Variants in TTC34 observed in about 807,000 individuals in gnomAD.
TTC34 encodes tetratricopeptide repeat protein 34.
Under a neutral mutation model 40.7 loss-of-function variants are expected in TTC34, and 44 were observed. The ratio of observed to expected loss-of-function variants is 1.08; its 90% CI spans 0.85 to 1.39. TTC34 has a LOEUF of 1.39. Among genes scored for constraint, TTC34 ranks in the 40% most tolerant of loss-of-function variants. TTC34 has a pLI of 0.00. For missense variants in TTC34, 884 were observed against 838.0 expected (o/e 1.05, Z -0.68); for synonymous variants, 422 against 398.6 (o/e 1.06, Z -0.70).
At chr1:2,755,013 C>T (rs1374112334) in intron 6 of TTC34, among the ~76,000 whole-genome samples, 1 of 68,750 alleles carries the variant, frequency 1.5e-5, no homozygotes, top group Non-Finnish European at 2.5e-5. Flanking sequence ...CGTAACAGCA[C>T]CCACACACCC....
At chr1:2,785,307 A>G (rs566620980) in intron 5 of TTC34, among the ~76,000 whole-genome samples, 8 of 152,212 alleles carry the variant, frequency 5.3e-5, no homozygotes, top group Middle Eastern at 3.4e-3. Flanking sequence ...GTACCCCAGG[A>G]GATCCCTGCG....
chr1:2,695,004 G>T (rs61765755), intron 6 of TTC34, among the ~76,000 whole-genome samples: 45 of 121,070 alleles, frequency 3.7e-4, no homozygotes, highest in Middle Eastern at 5.1e-3. Context: ...CCCAGGTGAG[G>T]ATCTGACAGC....
intron 6 of TTC34, among the ~76,000 whole-genome samples, chr1:2,684,665 C>A (rs1199279183): frequency 2.3e-5 from 3 of 132,434 alleles, no homozygotes; most frequent in Non-Finnish European, 4.7e-5. Flanking sequence ...CAGCCTGGAG[C>A]AGCACCCACA....
intron 6 of TTC34, among the ~76,000 whole-genome samples, chr1:2,750,988 T>C (rs1200282168): frequency 2.8e-4 from 13 of 46,450 alleles, no homozygotes; most frequent in East Asian, 1.1e-3. Flanking sequence ...CATGTGATGG[T>C]CTGGAGCAGC....
intron 6 of TTC34, among the ~76,000 whole-genome samples, chr1:2,656,441 C>G (rs61765843): frequency 0.17 from 216 of 1,236 alleles, 26 homozygotes; most frequent in Non-Finnish European, 0.22. Context: ...TGACAGCCTG[C>G]AACAGCACCC....
At chr1:2,686,528 G>A (rs1418648083) in intron 6 of TTC34, among the ~76,000 whole-genome samples, 2 of 100,684 alleles carry the variant, frequency 2.0e-5, no homozygotes, top group East Asian at 3.2e-4. Context: ...GCACCCCCAG[G>A]GGAGCATCTG....
intron 6 of TTC34, chr1:2,773,731 T>C (rs1193585285): frequency 6.7e-5 from 5 of 74,172 alleles, no homozygotes; most frequent in African/African-American, 1.3e-4. Context: ...TGGAACAGCA[T>C]CTACAGCCCC....
intron 6 of TTC34, among the ~76,000 whole-genome samples, chr1:2,678,057 A>T (rs1179444299): frequency 7.1e-5 from 2 of 28,212 alleles, no homozygotes; most frequent in Non-Finnish European, 1.2e-4. Flanking sequence ...CCACAACCAC[A>T]GGTGAGCATC....
chr1:2,692,572 A>C (rs1359152488), intron 6 of TTC34, among the ~76,000 whole-genome samples: 1 of 107,990 alleles, frequency 9.3e-6, no homozygotes, highest in Non-Finnish European at 1.9e-5. Context: ...ACGGCCTGGA[A>C]CAGCACCCAC....
intron 2 of TTC34, among the ~76,000 whole-genome samples, chr1:2,799,264 C>T (rs1222267805): frequency 1.3e-5 from 2 of 152,188 alleles, no homozygotes; most frequent in East Asian, 3.9e-4. Context: ...GATCAGGCGC[C>T]GGGCGCGGTG....
chr1:2,753,043 C>T (rs1641377123), intron 6 of TTC34, among the ~76,000 whole-genome samples: 2 of 150,818 alleles, frequency 1.3e-5, no homozygotes, highest in South Asian at 2.1e-4. Context: ...CAGCCTGGAG[C>T]AGCACCCACA....
chr1:2,800,634 C>T lies in TTC34; in HGVS notation c.194G>A (p.Trp65Ter). ...GGGGATCTGGCTGTCCCCGCGGCAC[C>T]AGGACTCCAGGGTGGCCACCACCGC... The change falls in exon 2 of 9, where the codon TGG (tryptophan) becomes TAG (stop). Residue 65 changes from tryptophan to a stop codon, truncating the protein, a stop_gained. Transcript: ENST00000401095. LOFTEE classifies it high-confidence loss of function. 2.5e-6 allele frequency: 1 copy of T among 398,516 alleles called. No individual in the cohort carries two copies. 24.7% of individuals were successfully genotyped at this position (398,516 alleles called of 1,614,324 possible).
intron 6 of TTC34, among the ~76,000 whole-genome samples, chr1:2,675,197 A>C (rs1171901882): frequency 6.7e-6 from 1 of 148,672 alleles, no homozygotes; most frequent in South Asian, 2.1e-4. Flanking sequence ...AGCAGCACCG[A>C]CAACCCCAGG....
intron 6 of TTC34, among the ~76,000 whole-genome samples, chr1:2,675,123 C>A (rs1398990105): frequency 1.0e-3 from 4 of 3,892 alleles, no homozygotes; most frequent in Non-Finnish European, 1.4e-3. Context: ...GCCCACACCC[C>A]CAGGTGAGAA....
In TTC34 at chr1:2,692,276, C is replaced by A. The variant is rs375201838; in HGVS notation, c.2227-46713G>T. On this transcript the variant is annotated intron_variant, in intron 6 of 8. Transcript: ENST00000401095. Reference sequence around the variant, plus strand: ...AGCAGCACCCACACCCTCAGGTGAGCATCTGACAGCCTGGAGCAGCAGGCA... The same window carrying A: ...AGCAGCACCCACACCCTCAGGTGAGAATCTGACAGCCTGGAGCAGCAGGCA... 4.0e-5 allele frequency among the ~76,000 whole-genome samples: 3 copies of A among 74,960 alleles called. 1 individual carries two copies. Among genetic ancestry groups the A allele is most frequent in the South Asian group, 4.2e-4 (1 of 2,398 alleles). The allele number at this position is 74,960 out of a possible 152,430, so 49.2% of individuals were successfully genotyped here.
chr1:2,683,683 A>C (rs1445560116), intron 6 of TTC34, among the ~76,000 whole-genome samples: 5 of 141,698 alleles, frequency 3.5e-5, no homozygotes, highest in Non-Finnish European at 7.5e-5. Context: ...CCCCCAGGTG[A>C]CGATCTGACA....
chr1:2,749,398 C>CACA (rs1641243830), intron 6 of TTC34, among the ~76,000 whole-genome samples: 8 of 130,054 alleles, frequency 6.2e-5, no homozygotes, highest in Non-Finnish European at 7.9e-5. Context: ...GAACAGCACC[C>CACA]TGCACCCCCA....
intron 6 of TTC34, chr1:2,775,552 A>G (rs550162740): frequency 6.8e-6 from 1 of 147,402 alleles, no homozygotes; most frequent in South Asian, 2.1e-4. Flanking sequence ...TGCACCACAC[A>G]CCCCAAGGTG....
intron 6 of TTC34, among the ~76,000 whole-genome samples, chr1:2,685,602 C>A (rs539075707): frequency 1.8e-5 from 2 of 110,806 alleles, no homozygotes; most frequent in East Asian, 2.7e-4. Flanking sequence ...CCCACACCCC[C>A]AGGCGAGCAT....
Sources: allele counts gnomAD v4.1 joint callset (sites outside exome capture counted in the v4.1 genomes callset), GRCh38; gene constraint gnomAD v4.1.1; transcripts MANE v1.5; gene names NCBI Gene and HGNC (gene_info 2026-07-23, HGNC 2026-07-21).